The following MALT1 variants were observed in gnomAD, a reference collection of about 807,000 sequenced individuals.
The protein encoded by MALT1 is mucosa-associated lymphoid tissue lymphoma translocation protein 1.
A neutral mutation model predicts 85.5 loss-of-function variants in MALT1; 36 were observed. The ratio of observed to expected loss-of-function variants is 0.42; its 90% CI spans 0.32 to 0.56. The LOEUF (loss-of-function observed/expected upper bound fraction) is 0.56. Among genes scored for constraint, MALT1 ranks in the 20% least tolerant of loss-of-function variants. The pLI is 0.10. For synonymous variants in MALT1, 359 were observed against 361.3 expected (o/e 0.99, Z 0.07); for missense variants, 716 against 981.6 (o/e 0.73, Z 3.62).
rs543283331 is a variant in MALT1 at position 58,700,425 on chromosome 18, A to G, written c.499-16A>G. The stretch of plus-strand genomic sequence containing the variant: ...TTTTGATGAGTCATCCACTTCTCTT[A>G]TTGATTCTTTCACAGATTCCAAATG... On this transcript the variant is annotated splice_polypyrimidine_tract_variant and intron_variant, in intron 3 of 16. Transcript: ENST00000649217. The G allele has an allele frequency of 3.2e-6, 5 of 1,580,354 alleles. No homozygotes were observed. The highest frequency in any genetic ancestry group is 4.3e-6 in the Non-Finnish European group (5 of 1,167,442).
At chr18:58,680,941 A>T (rs1316655927) in intron 1 of MALT1, among the ~76,000 whole-genome samples, 86 of 151,384 alleles carry the variant, frequency 5.7e-4, no homozygotes, top group African/African-American at 2.0e-3. Context: ...AAAAAAAAAA[A>T]AAAAAAAAAA....
At chr18:58,738,247 A>T (rs1330001549) in intron 13 of MALT1, among the ~76,000 whole-genome samples, 1 of 152,194 alleles carries the variant, frequency 6.6e-6, no homozygotes, top group Non-Finnish European at 1.5e-5. Context: ...ATTATGCTCT[A>T]TGTAGTCTTT....
chr18:58,750,292 G>T lies in MALT1; in HGVS notation c.*2450G>T, dbSNP rs2055429741. 1.9e-5 allele frequency: 3 copies of T among 160,712 alleles called. No homozygotes were observed. The Admixed American group carries it at 1.9e-4, about 10-fold the overall frequency. 10.0% of individuals were successfully genotyped at this position (160,712 alleles called of 1,614,324 possible). The stretch of plus-strand genomic sequence containing the variant: ...TAAATGGAAAGACATCCATGTTCAT[G>T]GATTGGAAGACTGAATATTGGTAAG... On this transcript the variant is annotated 3_prime_UTR_variant, in exon 17 of 17. Transcript: ENST00000649217.
At position 58,671,590 on chromosome 18, in the gene MALT1, G is replaced by A. The variant is rs944491469; in HGVS notation, c.-54G>A. 2.6e-6 allele frequency: 3 copies of A among 1,145,202 alleles called. No homozygotes were observed. The highest frequency in any genetic ancestry group is 3.3e-6 in the Non-Finnish European group (3 of 915,474). The allele number at this position is 1,145,202 out of a possible 1,614,324, so 70.9% of individuals were successfully genotyped here. ...GAGCGGAAGGTGCCCCGGGGCCGAG[G>A]CCCGTGACGGGGCGGGCGGGAGCCC... On this transcript the variant is annotated 5_prime_UTR_variant, in exon 1 of 17. Coordinates refer to ENST00000649217, the MANE Select transcript of MALT1 (RefSeq NM_006785.4).
intron 2 of MALT1, among the ~76,000 whole-genome samples, chr18:58,695,277 C>G (rs1034044263): frequency 6.6e-5 from 10 of 152,224 alleles, no homozygotes; most frequent in Non-Finnish European, 1.5e-4. Flanking sequence ...TTGAGCCTCT[C>G]TGCAGGGCTA....
chr18:58,680,929 CAAAAAAAAAAA>C (rs1165265799), intron 1 of MALT1, among the ~76,000 whole-genome samples: 2 of 67,222 alleles, frequency 3.0e-5, no homozygotes, highest in Non-Finnish European at 5.1e-5. Flanking sequence ...GACTCCGTCT[CAAAAAAAAAAA>C]AAAAAAAAAA....
chr18:58,725,568 TAAAAAG>T (rs780589804), intron 10 of MALT1, among the ~76,000 whole-genome samples: 1 of 152,110 alleles, frequency 6.6e-6, no homozygotes, highest in African/African-American at 2.4e-5. Flanking sequence ...CTACGTGACA[TAAAAAG>T]GAAAAGGCTT....
At chr18:58,703,049 C>A (rs142062524) in intron 4 of MALT1, among the ~76,000 whole-genome samples, 59 of 152,118 alleles carry the variant, frequency 3.9e-4, no homozygotes, top group Non-Finnish European at 7.4e-4. Context: ...ACTCAAATGA[C>A]GTTAAGGTTG....
At chr18:58,700,252 C>T (rs1249763142) in intron 3 of MALT1, among the ~76,000 whole-genome samples, 189 bp from the exon 4 acceptor site, 2 of 152,202 alleles carry the variant, frequency 1.3e-5, no homozygotes, top group Non-Finnish European at 2.9e-5. Flanking sequence ...TTGTAAAAGA[C>T]TGGATTTTTA....
intron 9 of MALT1, 112 bp downstream of exon 9, chr18:58,716,079 C>A (rs59351242): frequency 2.7e-6 from 2 of 745,014 alleles, no homozygotes; most frequent in Non-Finnish European, 4.4e-6. Context: ...AACATTGGGA[C>A]CAAATGTTTT....
intron 9 of MALT1, among the ~76,000 whole-genome samples, chr18:58,717,746 CAAAAAAAAAA>C (rs35207196): frequency 9.9e-6 from 1 of 100,570 alleles, no homozygotes; most frequent in Admixed American, 1.1e-4. Flanking sequence ...ACTCTTGTCT[CAAAAAAAAAA>C]AAAAAAAAAA....
Position 58,744,501 on chromosome 18 carries a change from T to C in MALT1, c.1911+6T>C, listed in dbSNP as rs1338451244. ...ACGTTACTGATTTTCCACTTGTGAG[T>C]CTCTTCTTTTATTTAAAATACAGTG... is the stretch of plus-strand genomic sequence containing the variant. On this transcript the variant is annotated splice_donor_region_variant and intron_variant, in intron 15 of 16. Transcript: ENST00000649217. 23 of 1,587,258 alleles carry C rather than the reference T, an allele frequency of 1.4e-5. No individual in the cohort carries two copies. The highest frequency in any genetic ancestry group is 1.9e-5 in the Non-Finnish European group (22 of 1,165,676).
At position 58,723,061 on chromosome 18, in the gene MALT1, T is replaced by A. The variant is rs761973379; in HGVS notation, c.1032T>A (p.Val344=). Residue 344 remains valine (V), a synonymous_variant, in exon 10 of 17, where the codon GTT becomes GTA. Transcript: ENST00000649217. ...TTDQPLAKDK[V]ALLIGNMNYR... The stretch of plus-strand genomic sequence containing the variant: ...TTTTTTTCAAAGCGAAGGACAAGGT[T>A]GCCCTTTTGATAGGAAATATGAATT... The A allele has an allele frequency of 1.9e-6, 3 of 1,613,750 alleles. No homozygotes were observed. In the South Asian group the frequency reaches 3.3e-5, roughly 18 times the overall value.
intron 13 of MALT1, chr18:58,741,549 G>T: frequency 5.9e-6 from 1 of 168,800 alleles, no homozygotes; most frequent in Non-Finnish European, 1.3e-5. Flanking sequence ...TTAAATTGAT[G>T]TGTATCCATA....
chr18:58,745,564 A>G (rs2055354686), intron 15 of MALT1, 102 bp from the exon 16 acceptor site: 3 of 1,026,878 alleles, frequency 2.9e-6, no homozygotes, highest in Non-Finnish European at 4.3e-6. Flanking sequence ...AGAGGCCAGA[A>G]TTCACGAGAG....
chr18:58,744,227 A>G (rs935096527), intron 14 of MALT1, 111 bp from the exon 15 acceptor site: 5 of 655,796 alleles, frequency 7.6e-6, no homozygotes, highest in Non-Finnish European at 1.3e-5. Flanking sequence ...TGTTTAAACA[A>G]TGTAAATCAT....
chr18:58,706,969 T>G (rs2054760691), intron 4 of MALT1, among the ~76,000 whole-genome samples: 1 of 152,204 alleles, frequency 6.6e-6, no homozygotes, highest in African/African-American at 2.4e-5. Flanking sequence ...TCTGGGACTC[T>G]TAATTATATG....
intron 2 of MALT1, among the ~76,000 whole-genome samples, chr18:58,688,299 T>TACAC (rs34923643): frequency 0.1 from 14,417 of 139,584 alleles, 785 homozygotes; most frequent in Admixed American, 0.16. Context: ...ATATATATGT[T>TACAC]ACACACACAC....
At chr18:58,699,091 T>C (rs59881978) in intron 3 of MALT1, among the ~76,000 whole-genome samples, 70,188 of 151,988 alleles carry the variant, frequency 0.46, 16,762 homozygotes, top group Non-Finnish European at 0.52. Context: ...ATAATCTTCA[T>C]ACCAACTCAG....
Sources: allele counts gnomAD v4.1 joint callset (sites outside exome capture counted in the v4.1 genomes callset), GRCh38; gene constraint gnomAD v4.1.1; transcripts MANE v1.5; gene names NCBI Gene and HGNC (gene_info 2026-07-23, HGNC 2026-07-21).